RALYL: variants seen among roughly 807,000 people sequenced by gnomAD.
The protein encoded by RALYL is RALY RNA binding protein like.
In RALYL, 29 loss-of-function variants were observed where a neutral mutation model predicts 35.1. That is an observed-to-expected ratio of 0.83 (90% confidence interval 0.61 to 1.13). The LOEUF is 1.13. Among genes scored for constraint, RALYL ranks in the 50% most tolerant of loss-of-function variants. The pLI is 0.00. For synonymous variants in RALYL, 120 were observed against 127.6 expected (o/e 0.94, Z 0.40); for missense variants, 359 against 360.4 (o/e 1.00, Z 0.03).
chr8:84,830,261 G>T (rs1486694519), intron 4 of RALYL, among the ~76,000 whole-genome samples: 1 of 152,046 alleles, frequency 6.6e-6, no homozygotes, highest in Non-Finnish European at 1.5e-5. Flanking sequence ...AACAAATTTT[G>T]CAAAGTTGCA....
chr8:84,788,193 G>T (rs1819983161), intron 3 of RALYL, among the ~76,000 whole-genome samples: 1 of 152,062 alleles, frequency 6.6e-6, no homozygotes, highest in Non-Finnish European at 1.5e-5. Context: ...GTCAGTTTTT[G>T]TATAAGGTGT....
rs1390809091 is a variant in RALYL at position 84,802,277 on chromosome 8, TTAAAATG to T, written c.333-2487_333-2481del. On this transcript the variant is annotated intron_variant, in intron 3 of 8. Coordinates refer to ENST00000521268, the MANE Select transcript of RALYL (RefSeq NM_173848.7). ...CTTCTTTTGATATTTTCCAGCTACT[TTAAAATG>T]TAAAAACCATTCTTAGCTTGGGGCT... Among the ~76,000 whole-genome samples, 38 of 152,338 alleles carry T rather than the reference TTAAAATG, an allele frequency of 2.5e-4. No individual in the cohort carries two copies. In the South Asian group the frequency reaches 5.8e-3, roughly 23 times the overall value.
chr8:84,704,480 C>CACACACACACA (rs145150857), intron 2 of RALYL, among the ~76,000 whole-genome samples: 1,852 of 139,556 alleles, frequency 0.013, 59 homozygotes, highest in Non-Finnish European at 0.014. Flanking sequence ...CACACACACA[C>CACACACACACA]ACAACAACTC....
chr8:84,872,428 A>G (rs865820957), intron 6 of RALYL: 4 of 151,694 alleles, frequency 2.6e-5, no homozygotes, highest in Non-Finnish European at 2.9e-5. Context: ...AAATATAAAC[A>G]TATTTCATTT....
intron 1 of RALYL, among the ~76,000 whole-genome samples, chr8:84,337,150 G>A (rs1847951502): frequency 6.6e-6 from 1 of 151,442 alleles, no homozygotes; most frequent in African/African-American, 2.4e-5. Context: ...CATTACAATG[G>A]AAAGCTAGAC....
chr8:84,430,426 T>A (rs776620837), intron 1 of RALYL, among the ~76,000 whole-genome samples: 5 of 152,184 alleles, frequency 3.3e-5, no homozygotes, highest in Non-Finnish European at 7.4e-5. Flanking sequence ...TAAGTTCAAA[T>A]ACAATTGTAC....
chr8:84,356,367 T>A (rs1186438188), intron 1 of RALYL, among the ~76,000 whole-genome samples: 1 of 150,340 alleles, frequency 6.7e-6, no homozygotes, highest in African/African-American at 2.5e-5. Flanking sequence ...CTCCCCTTCT[T>A]TCACATATCA....
intron 2 of RALYL, among the ~76,000 whole-genome samples, chr8:84,685,969 CA>C (rs1251710114): frequency 6.6e-6 from 1 of 152,034 alleles, no homozygotes; most frequent in Admixed American, 6.6e-5. Context: ...ATAAAACACC[CA>C]GTGAATGGAG....
At chr8:84,780,847 C>CTTGTTTT (rs1817986405) in intron 3 of RALYL, among the ~76,000 whole-genome samples, 1 of 151,920 alleles carries the variant, frequency 6.6e-6, no homozygotes, top group East Asian at 1.9e-4. Context: ...GGAGGTTTTT[C>CTTGTTTT]TTGTTTTTTG....
intron 1 of RALYL, among the ~76,000 whole-genome samples, chr8:84,201,943 A>T (rs1253391181): frequency 6.6e-6 from 1 of 152,126 alleles, no homozygotes; most frequent in African/African-American, 2.4e-5. Context: ...AAATTATATT[A>T]TGTCATAGAT....
At chr8:84,617,826 C>A (rs923516912) in intron 2 of RALYL, among the ~76,000 whole-genome samples, 2 of 151,576 alleles carry the variant, frequency 1.3e-5, no homozygotes, top group African/African-American at 2.4e-5. Flanking sequence ...TTGTCAAAGG[C>A]CTTTTCTGCA....
intron 1 of RALYL, among the ~76,000 whole-genome samples, chr8:84,287,688 G>A (rs1272156074): frequency 6.6e-6 from 1 of 152,120 alleles, no homozygotes; most frequent in Non-Finnish European, 1.5e-5. Flanking sequence ...GTGGACACAT[G>A]GGAGTAAGAT....
chr8:84,209,784 T>TACA, intron 1 of RALYL, among the ~76,000 whole-genome samples: 1 of 152,152 alleles, frequency 6.6e-6, no homozygotes, highest in Admixed American at 6.6e-5. Flanking sequence ...GATTTGGCAT[T>TACA]CAAGTATAGT....
chr8:84,457,060 A>T (rs1451026984), intron 1 of RALYL, among the ~76,000 whole-genome samples: 1 of 151,974 alleles, frequency 6.6e-6, no homozygotes, highest in African/African-American at 2.4e-5. Flanking sequence ...CTTATCTTAA[A>T]ACATCTAATT....
chr8:84,301,570 TTAA>T (rs1840796864), intron 1 of RALYL, among the ~76,000 whole-genome samples: 1 of 151,334 alleles, frequency 6.6e-6, no homozygotes, highest in African/African-American at 2.4e-5. Context: ...CAACGTGATC[TTAA>T]TAATCAATGG....
At chr8:84,784,075 A>G (rs1173960586) in intron 3 of RALYL, among the ~76,000 whole-genome samples, 1 of 152,126 alleles carries the variant, frequency 6.6e-6, no homozygotes, top group Non-Finnish European at 1.5e-5. Context: ...ACTACTGAAG[A>G]TTGATGGAAA....
intron 2 of RALYL, among the ~76,000 whole-genome samples, chr8:84,690,358 G>T (rs567536970): frequency 1.4e-4 from 22 of 152,252 alleles, no homozygotes; most frequent in Non-Finnish European, 2.9e-4. Context: ...TAATAGGATG[G>T]TAGTTGGCAG....
rs1044445857 is a variant in RALYL at position 84,386,197 on chromosome 8, G to T, written c.-23-143102G>T. On this transcript the variant is annotated intron_variant, in intron 1 of 8. Transcript: ENST00000521268. ...AACCTGTAATTACTATTGCCACTCT[G>T]GGAGCTTCAAGTGAAGCCTCTGTAG... 2.0e-5 allele frequency among the ~76,000 whole-genome samples: 3 copies of T among 151,720 alleles called. No individual in the cohort carries two copies. The East Asian group carries it at 5.9e-4, about 30-fold the overall frequency.
At chr8:84,841,229 C>A (rs2134589320) in intron 4 of RALYL, among the ~76,000 whole-genome samples, 1 of 152,250 alleles carries the variant, frequency 6.6e-6, no homozygotes, top group East Asian at 1.9e-4. Flanking sequence ...ACCCATCTCA[C>A]ATGCAGAGGC....
Sources: allele counts gnomAD v4.1 joint callset (sites outside exome capture counted in the v4.1 genomes callset), GRCh38; gene constraint gnomAD v4.1.1; transcripts MANE v1.5; gene names NCBI Gene and HGNC (gene_info 2026-07-23, HGNC 2026-07-21).